Variants in TBC1D9 observed in about 807,000 individuals in gnomAD.
The protein encoded by TBC1D9 is TBC1 domain family member 9.
A neutral mutation model predicts 132.0 loss-of-function variants in TBC1D9; 63 were observed. That is an observed-to-expected ratio of 0.48 (90% CI 0.39 to 0.59). TBC1D9 has a LOEUF of 0.59. Ranked by LOEUF, TBC1D9 falls within the 20% of genes least tolerant of loss-of-function variation. The pLI, the probability that TBC1D9 is intolerant of heterozygous loss-of-function variation, is 0.00. For synonymous variants in TBC1D9, 610 were observed against 609.9 expected (o/e 1.00, Z 0.00); for missense variants, 1,261 against 1,592.7 (o/e 0.79, Z 3.54).
chr4:140,687,966 T>A (rs1737813902), intron 2 of TBC1D9, among the ~76,000 whole-genome samples: 1 of 152,088 alleles, frequency 6.6e-6, no homozygotes, highest in African/African-American at 2.4e-5. Context: ...GGCATGTGCC[T>A]GTAGTCCAGC....
At position 140,706,035 on chromosome 4, in the gene TBC1D9, G is replaced by C. The variant is rs187766273; in HGVS notation, c.131-4421C>G. 6.6e-4 allele frequency among the ~76,000 whole-genome samples: 100 copies of C among 152,348 alleles called. No individual in the cohort carries two copies. Among genetic ancestry groups the C allele is most frequent in the Non-Finnish European group, 7.3e-5 (5 of 68,040 alleles). ...CATTTGGTTGTGGGCACTGGAAGAT[G>C]TGTGATGCACAGTCACCACTGCACA... On this transcript the variant is annotated intron_variant, in intron 1 of 20. Coordinates refer to ENST00000442267, the MANE Select transcript of TBC1D9 (RefSeq NM_015130.3). The surrounding 1 kb of genome is among the most constrained non-coding windows in gnomAD (Gnocchi z 4.0).
chr4:140,710,892 A>G (rs574486026), intron 1 of TBC1D9, among the ~76,000 whole-genome samples: 1 of 152,362 alleles, frequency 6.6e-6, no homozygotes, highest in East Asian at 1.9e-4. Context: ...TCAAGGCAGC[A>G]GCAGTAGAAT....
At chr4:140,634,292 C>T in intron 15 of TBC1D9, 104 bp from the exon 16 acceptor site, 3 of 1,493,606 alleles carry the variant, frequency 2.0e-6, no homozygotes, top group Non-Finnish European at 2.7e-6. Context: ...AATCTGTGTG[C>T]ATCCCCTGGG....
intron 2 of TBC1D9, among the ~76,000 whole-genome samples, chr4:140,694,242 T>C (rs1737917966): frequency 6.6e-6 from 1 of 152,194 alleles, no homozygotes; most frequent in African/African-American, 2.4e-5. Context: ...ACTGAGTAGA[T>C]AATTTATGTT....
rs188005997 is a variant in TBC1D9 at position 140,653,660 on chromosome 4, G to T, written c.2337+3437C>A. 2.8e-3 allele frequency among the ~76,000 whole-genome samples: 425 copies of T among 152,284 alleles called. 1 individual carries two copies. Among genetic ancestry groups the T allele is most frequent in the African/African-American group, 9.6e-3 (397 of 41,564 alleles). On this transcript the variant is annotated intron_variant, in intron 13 of 20. Transcript: ENST00000442267. Reference sequence around the variant, plus strand: ...AAAAAACAATCAGCAAGAGTTCGTGGTGTTCTCTTTAAGTTGATCTACAAG... The same window carrying T: ...AAAAAACAATCAGCAAGAGTTCGTGTTGTTCTCTTTAAGTTGATCTACAAG...
At chr4:140,661,590 A>T (rs566624240) in intron 10 of TBC1D9, among the ~76,000 whole-genome samples, 35 of 152,230 alleles carry the variant, frequency 2.3e-4, no homozygotes, top group Middle Eastern at 3.4e-3. Context: ...GTGGTTCTCA[A>T]CCCAGGATGA....
At position 140,755,956 on chromosome 4, in the gene TBC1D9, C is replaced by A. The variant is rs1233732236; in HGVS notation, c.90G>T (p.Lys30Asn). 1 of 1,601,018 alleles carries A rather than the reference C, an allele frequency of 6.2e-7. No individual in the cohort carries two copies. The highest frequency in any genetic ancestry group is 8.5e-7 in the Non-Finnish European group (1 of 1,174,676). The change falls in exon 1 of 21, where the codon AAG becomes AAT. Residue 30 changes from lysine (K) to asparagine (N), a missense_variant. By Grantham distance (94) the Lys-to-Asn change is moderately conservative. Transcript: ENST00000442267. Reference protein sequence around the residue: ...ANPYFILQRRKGHAGDGGGGG... With the variant: ...ANPYFILQRRNGHAGDGGGGG... Reference sequence around the variant, plus strand: ...CGCCGCCTCCATCGCCGGCGTGGCCCTTCCTCCGCTGCAGGATGAAGTATG... The same window carrying A: ...CGCCGCCTCCATCGCCGGCGTGGCCATTCCTCCGCTGCAGGATGAAGTATG...
intron 6 of TBC1D9, among the ~76,000 whole-genome samples, chr4:140,674,321 G>A (rs918918286): frequency 1.3e-5 from 2 of 152,068 alleles, no homozygotes; most frequent in Non-Finnish European, 1.5e-5. Context: ...TTGACCCTAC[G>A]ACAAGGAGAG....
chr4:140,685,464 C>A (rs1008427078), intron 3 of TBC1D9, among the ~76,000 whole-genome samples: 1 of 151,948 alleles, frequency 6.6e-6, no homozygotes, highest in African/African-American at 2.4e-5. Context: ...TAGTAAAAAA[C>A]CAGAATTGTA....
At chr4:140,733,275 C>T (rs1738625936) in intron 1 of TBC1D9, among the ~76,000 whole-genome samples, 1 of 152,018 alleles carries the variant, frequency 6.6e-6, no homozygotes, top group Non-Finnish European at 1.5e-5. Flanking sequence ...TTTCCTTACT[C>T]CCCTTTGAAA....
Position 140,686,369 on chromosome 4 carries a change from G to C in TBC1D9, c.335C>G (p.Thr112Ser). 1.2e-6 allele frequency: 2 copies of C among 1,601,962 alleles called. No individual in the cohort carries two copies. Among genetic ancestry groups the C allele is most frequent in the South Asian group, 1.1e-5 (1 of 90,266 alleles). ...LSIFENENDI[T>S]TFVRGKIQGI... Reference sequence around the variant, plus strand: ...CTGTATTTTTCCTCTCACAAATGTGGTGATATCATTCTCATTTTCAAAGAT... The same window carrying C: ...CTGTATTTTTCCTCTCACAAATGTGCTGATATCATTCTCATTTTCAAAGAT... The change falls in exon 3 of 21, where the codon ACC (threonine) becomes AGC (serine). Residue 112 changes from threonine to serine, a missense_variant. Physicochemically the swap from Thr to Ser is moderately conservative, Grantham distance 58. Around this residue, in one of 3 missense-constraint regions of TBC1D9, gnomAD observed 550 missense variants for 699.0 expected, o/e 0.79. Transcript: ENST00000442267.
intron 1 of TBC1D9, among the ~76,000 whole-genome samples, chr4:140,747,963 T>C (rs1002059856): frequency 6.6e-6 from 1 of 152,212 alleles, no homozygotes; most frequent in Non-Finnish European, 1.5e-5. Flanking sequence ...GAAAATAACA[T>C]TATCTTCTCC....
Position 140,662,077 on chromosome 4 carries a change from C to T in TBC1D9, c.1619G>A (p.Gly540Glu). ...GAINEKATHP[G>E]YYEDLVEKSM... ...CTTCTCCACTAGGTCTTCATAGTACCCAGGATGTGTGGCCTTCTCATTGAT... is the reference window on the plus strand; with the variant it reads ...CTTCTCCACTAGGTCTTCATAGTACTCAGGATGTGTGGCCTTCTCATTGAT... Residue 540 changes from glycine (G) to glutamate (E), a missense_variant, in exon 10 of 21, where the codon GGG becomes GAG. By Grantham distance (98) the Gly-to-Glu change is moderately conservative. Coordinates refer to ENST00000442267, the MANE Select transcript of TBC1D9 (RefSeq NM_015130.3). 2 of 1,613,880 alleles carry T rather than the reference C, an allele frequency of 1.2e-6. No homozygotes were observed. Among genetic ancestry groups the T allele is most frequent in the Non-Finnish European group, 1.7e-6 (2 of 1,179,854 alleles).
Position 140,657,742 on chromosome 4 carries a change from C to A in TBC1D9, c.1992G>T (p.Met664Ile). Residue 664 changes from methionine (M) to isoleucine (I), a missense_variant, in exon 12 of 21, where the codon ATG becomes ATT. By Grantham distance (10) the Met-to-Ile change is conservative (BLOSUM62 1). This residue lies in a region of TBC1D9 where 93 missense variants were observed against 169.2 expected (regional missense o/e 0.55). Transcript: ENST00000442267. ...RDYVPQLYDC[M>I]QDLGVISTIS... Reference sequence around the variant, plus strand: ...TGGTGGAAATCACGCCCAGGTCTTGCATGCAGTCGTACAGCTGTGGGACGT... The same window carrying A: ...TGGTGGAAATCACGCCCAGGTCTTGAATGCAGTCGTACAGCTGTGGGACGT... 6.2e-7 allele frequency: 1 copy of A among 1,614,016 alleles called. No homozygotes were observed. Among genetic ancestry groups the A allele is most frequent in the Non-Finnish European group, 8.5e-7 (1 of 1,179,896 alleles).
intron 10 of TBC1D9, among the ~76,000 whole-genome samples, chr4:140,660,949 C>G (rs910664741): frequency 6.6e-6 from 1 of 151,634 alleles, no homozygotes; most frequent in African/African-American, 2.4e-5. Flanking sequence ...GAGTCTTGCT[C>G]TGTCGCCCAG....
intron 16 of TBC1D9, among the ~76,000 whole-genome samples, chr4:140,630,085 A>G (rs1186559057): frequency 1.3e-5 from 2 of 152,228 alleles, no homozygotes; most frequent in African/African-American, 2.4e-5. Context: ...GCTGGAAACC[A>G]CTATTATACT....
intron 12 of TBC1D9, 58 bp from the exon 13 acceptor site, chr4:140,657,284 A>AT: frequency 1.3e-6 from 2 of 1,573,696 alleles, no homozygotes; most frequent in East Asian, 4.5e-5. Flanking sequence ...TCCCATTATA[A>AT]TTCTCCAATC....
intron 1 of TBC1D9, among the ~76,000 whole-genome samples, chr4:140,716,901 G>A (rs1738342491): frequency 7.0e-6 from 1 of 142,320 alleles, no homozygotes; most frequent in Non-Finnish European, 1.5e-5. Context: ...TTTAAACTGA[G>A]TTTAGAGTAA....
chr4:140,686,068 T>A (rs1403512008), intron 3 of TBC1D9, among the ~76,000 whole-genome samples: 2 of 152,130 alleles, frequency 1.3e-5, no homozygotes, highest in African/African-American at 2.4e-5. Context: ...CCACATTCTG[T>A]GATGTAAAAA....
Sources: allele counts gnomAD v4.1 joint callset (sites outside exome capture counted in the v4.1 genomes callset), GRCh38; gene constraint gnomAD v4.1.1; regional missense constraint gnomAD v4.1.1; non-coding constraint Gnocchi (gnomAD v3.1); transcripts MANE v1.5; gene names NCBI Gene and HGNC (gene_info 2026-07-23, HGNC 2026-07-21).